The following COL21A1 variants were observed in gnomAD, a reference collection of about 807,000 sequenced individuals.
COL21A1 encodes the protein collagen alpha-1(XXI) chain.
Under a neutral mutation model 137.9 loss-of-function variants are expected in COL21A1, and 149 were observed. The ratio of observed to expected loss-of-function variants is 1.08; its 90% confidence interval spans 0.95 to 1.24. The LOEUF (loss-of-function observed/expected upper bound fraction) is 1.24, where lower values mean the gene tolerates loss of function less well. Ranked by LOEUF, COL21A1 falls within the 50% of genes most tolerant of loss-of-function variation. The pLI, the probability that COL21A1 is intolerant of heterozygous loss-of-function variation, is 0.00. For missense variants in COL21A1, 1,167 were observed against 1,158.4 expected, an observed-to-expected ratio of 1.01 and a Z score of -0.11; for synonymous variants, 456 against 391.5, an observed-to-expected ratio of 1.16 and a Z score of -1.95.
intron 1 of COL21A1, among the ~76,000 whole-genome samples, chr6:56,269,560 C>T (rs1395576768): frequency 6.8e-6 from 1 of 146,188 alleles, no homozygotes; most frequent in African/African-American, 2.5e-5. Context: ...GAGGCTGAGG[C>T]AGGAGAATGG....
intron 1 of COL21A1, among the ~76,000 whole-genome samples, chr6:56,307,335 G>A (rs1764487744): frequency 6.6e-6 from 1 of 152,226 alleles, no homozygotes; most frequent in South Asian, 2.1e-4. Context: ...AGTCTACAGA[G>A]GAAGGCAGGC....
chr6:56,277,320 G>T (rs2152333415), intron 1 of COL21A1, among the ~76,000 whole-genome samples: 1 of 152,202 alleles, frequency 6.6e-6, no homozygotes, highest in African/African-American at 2.4e-5. Flanking sequence ...ACAGGCCCCG[G>T]TGTGCGATGT....
At chr6:56,181,597 T>G (rs912680287) in intron 2 of COL21A1, among the ~76,000 whole-genome samples, 6 of 152,164 alleles carry the variant, frequency 3.9e-5, no homozygotes, top group African/African-American at 1.4e-4. Context: ...CCACAGAGCA[T>G]GTATTTCATA....
rs570396680 is a variant in COL21A1, at chr6:56,324,038, G to T, written c.-39+69933C>A. 2.0e-5 allele frequency among the ~76,000 whole-genome samples: 3 copies of T among 152,084 alleles called. No homozygotes were observed. In the East Asian group the frequency reaches 5.8e-4, roughly 29 times the overall value. ...GGTAGTATTATCTTATAAAAATAATGGTTTGTGCTCTTGGGTTGGAGGTAA... is the reference window on the plus strand; with the variant it reads ...GGTAGTATTATCTTATAAAAATAATTGTTTGTGCTCTTGGGTTGGAGGTAA... On this transcript the variant is annotated intron_variant, in intron 1 of 28. Transcript: ENST00000370819.
chr6:56,238,137 A>T (rs1209686202), intron 1 of COL21A1, among the ~76,000 whole-genome samples: 1 of 152,080 alleles, frequency 6.6e-6, no homozygotes, highest in Non-Finnish European at 1.5e-5. Flanking sequence ...AAAGTACTCT[A>T]CTATAAGCAG....
intron 1 of COL21A1, among the ~76,000 whole-genome samples, chr6:56,313,509 TTC>T (rs1302792880): frequency 6.6e-6 from 1 of 152,154 alleles, no homozygotes; most frequent in East Asian, 1.9e-4. Context: ...TCACAGACAG[TTC>T]TTTCTCACTG....
intron 1 of COL21A1, among the ~76,000 whole-genome samples, chr6:56,217,896 ATTGC>A (rs970701723): frequency 3.3e-5 from 5 of 152,084 alleles, no homozygotes; most frequent in African/African-American, 1.2e-4. Context: ...GATCCTCCTG[ATTGC>A]TTAAGCACCT....
At chr6:56,267,069 AT>A (rs1763409284) in intron 1 of COL21A1, among the ~76,000 whole-genome samples, 1 of 152,208 alleles carries the variant, frequency 6.6e-6, no homozygotes, top group South Asian at 2.1e-4. Context: ...ATTAATCTTA[AT>A]TCTCTATATG....
chr6:56,250,974 C>T (rs72877930), upstream of COL21A1, among the ~76,000 whole-genome samples: 1,759 of 152,244 alleles, frequency 0.012, 17 homozygotes, highest in Non-Finnish European at 0.019. Context: ...CCCAAATTTA[C>T]AATATTGTTT....
In COL21A1 at chr6:56,179,928, C is replaced by G. The variant is rs1777772158; in HGVS notation, c.290G>C (p.Gly97Ala). 6.2e-7 allele frequency: 1 copy of G among 1,613,866 alleles called. No individual in the cohort carries two copies. The change falls in exon 3 of 30, where the codon GGA becomes GCA. Residue 97 changes from glycine (G) to alanine (A), a missense_variant. Physicochemically the swap from Gly to Ala is moderately conservative, Grantham distance 60. Transcript: ENST00000244728. Reference sequence around the variant, plus strand: ...TTCCACTGCTGCCGTCAAATGTTCTCCTGAATCATAGCTTCCGAGAGGAAT... The same window carrying G: ...TTCCACTGCTGCCGTCAAATGTTCTGCTGAATCATAGCTTCCGAGAGGAAT... ...LEIPLGSYDS[G>A]EHLTAAVESI...
intron 1 of COL21A1, among the ~76,000 whole-genome samples, chr6:56,361,014 A>T (rs576021063): frequency 2.6e-5 from 4 of 152,144 alleles, no homozygotes; most frequent in Non-Finnish European, 5.9e-5. Context: ...GAATCGCTCA[A>T]ACCTGGGAGG....
intron 1 of COL21A1, among the ~76,000 whole-genome samples, chr6:56,279,246 A>G (rs897764416): frequency 6.6e-6 from 1 of 152,042 alleles, no homozygotes; most frequent in African/African-American, 2.4e-5. Flanking sequence ...TTCTGCCATG[A>G]TTGTAAGTTT....
chr6:56,149,472 A>C (rs1775113171), intron 10 of COL21A1, among the ~76,000 whole-genome samples: 2 of 152,214 alleles, frequency 1.3e-5, no homozygotes, highest in Non-Finnish European at 2.9e-5. Context: ...TCACTCCTAT[A>C]GAAAATAGGC....
chr6:56,066,140 G>T (rs928809319), intron 23 of COL21A1, among the ~76,000 whole-genome samples: 1 of 151,726 alleles, frequency 6.6e-6, no homozygotes, highest in South Asian at 2.1e-4. Context: ...GAATATATGG[G>T]TCTAGAGCTC....
chr6:56,159,279 C>G (rs58797140), intron 9 of COL21A1, among the ~76,000 whole-genome samples: 6 of 151,538 alleles, frequency 4.0e-5, no homozygotes, highest in Non-Finnish European at 8.8e-5. Context: ...AAAGTTTTCC[C>G]TTGGTTAGTC....
rs192108823 is a variant in COL21A1 at position 56,110,830 on chromosome 6, A to G, written c.1759-9305T>C. Among the ~76,000 whole-genome samples the G allele has an allele frequency of 3.5e-3, 528 of 152,248 alleles. 6 individuals are homozygous for G. The highest frequency in any genetic ancestry group is 0.012 in the African/African-American group (500 of 41,580). ...CTGAGATAAAATAAAGAAAACTCAC[A>G]TAAGTGAAACAATATACCATGTTCA... On this transcript the variant is annotated intron_variant, in intron 16 of 29. Coordinates refer to ENST00000244728, the MANE Select transcript of COL21A1 (RefSeq NM_030820.4).
chr6:56,216,236 G>A (rs1265262625), intron 1 of COL21A1, among the ~76,000 whole-genome samples: 1 of 152,066 alleles, frequency 6.6e-6, no homozygotes, highest in Non-Finnish European at 1.5e-5. Context: ...ACCTATTGCT[G>A]CATTAGTGGC....
chr6:56,236,948 TA>T (rs956373095), intron 1 of COL21A1, among the ~76,000 whole-genome samples: 4 of 152,044 alleles, frequency 2.6e-5, no homozygotes, highest in Non-Finnish European at 5.9e-5. Context: ...CTTGATAGTT[TA>T]AAATTTCTAT....
intron 1 of COL21A1, among the ~76,000 whole-genome samples, chr6:56,325,692 A>G (rs1302299963): frequency 1.3e-3 from 1 of 750 alleles, no homozygotes; most frequent in Non-Finnish European, 0.042. Flanking sequence ...GATAATATAA[A>G]TATATATAAT....
Sources: gnomAD v4.1 joint callset for allele counts (sites outside exome capture counted in the v4.1 genomes callset) on GRCh38, gnomAD v4.1.1 for gene constraint, MANE v1.5 for transcripts, NCBI Gene and HGNC (gene_info 2026-07-23, HGNC 2026-07-21) for gene names.